RP1: variants seen among roughly 807,000 people sequenced by gnomAD.
RP1 encodes oxygen-regulated protein 1.
Under a neutral mutation model 14.8 loss-of-function variants are expected in RP1, and 16 were observed. The ratio of observed to expected loss-of-function variants is 1.08; its 90% CI spans 0.73 to 1.65. RP1 has a LOEUF of 1.65. Ranked by LOEUF, RP1 falls within the 40% of genes most tolerant of loss-of-function variation. The pLI is 0.00. For missense variants in RP1, 2,631 were observed against 2,535.0 expected (o/e 1.04, Z -0.81); for synonymous variants, 876 against 883.6 (o/e 0.99, Z 0.15).
intron 22 of RP1, among the ~76,000 whole-genome samples, chr8:54,760,295 C>A (rs1012273991): frequency 6.6e-6 from 1 of 152,210 alleles, no homozygotes; most frequent in Non-Finnish European, 1.5e-5. Flanking sequence ...AAGACTAGCT[C>A]ATCGCAGTCG....
chr8:54,588,777 T>G (rs886139556), intron 1 of RP1, among the ~76,000 whole-genome samples: 1 of 152,250 alleles, frequency 6.6e-6, no homozygotes, highest in African/African-American at 2.4e-5. Context: ...TTTTCGGCTT[T>G]TGTTCAGATA....
downstream of RP1, among the ~76,000 whole-genome samples, chr8:54,635,320 T>C (rs1462601125): frequency 6.6e-6 from 1 of 152,176 alleles, no homozygotes. Context: ...TTTTCTTCTG[T>C]AACACTAATG....
chr8:54,624,112 A>G (rs1032740097), intron 3 of RP1, among the ~76,000 whole-genome samples: 1 of 152,182 alleles, frequency 6.6e-6, no homozygotes, highest in Non-Finnish European at 1.5e-5. Flanking sequence ...GAAGAAATGT[A>G]CCACTGTTAT....
intron 3 of RP1, among the ~76,000 whole-genome samples, chr8:54,643,019 A>G (rs1806480381): frequency 6.6e-6 from 1 of 151,124 alleles, no homozygotes; most frequent in Non-Finnish European, 1.5e-5. Flanking sequence ...TAAATTGCCT[A>G]TTCATATTCC....
At chr8:54,775,869 T>A (rs929776386) in intron 23 of RP1, among the ~76,000 whole-genome samples, 1 of 152,198 alleles carries the variant, frequency 6.6e-6, no homozygotes, top group African/African-American at 2.4e-5. Context: ...CACACAGTAA[T>A]GTGGGTCTGA....
At position 54,627,461 on chromosome 8, in the gene RP1, C is replaced by T. The variant is rs777012140; in HGVS notation, c.3579C>T (p.His1193=). 77 of 1,614,040 alleles carry T rather than the reference C, an allele frequency of 4.8e-5. No homozygotes were observed. Among genetic ancestry groups the T allele is most frequent in the Non-Finnish European group, 5.9e-5 (70 of 1,179,980 alleles). ...ATTTAGTGGAGTCAACTACAAGCCA[C>T]TTTGGACTCAGTGAGAAAGAACAAG... is the stretch of plus-strand genomic sequence containing the variant. ...VANLVESTTS[H]FGLSEKEQDM... The change falls in exon 4 of 4, where the codon CAC becomes CAT. Residue 1193 remains histidine (H), a synonymous_variant. Transcript: ENST00000220676.
chr8:54,677,538 G>C (rs1409071759), intron 8 of RP1, among the ~76,000 whole-genome samples: 1 of 152,046 alleles, frequency 6.6e-6, no homozygotes, highest in Non-Finnish European at 1.5e-5. Context: ...ACCGGCCTGG[G>C]CAACATACAA....
chr8:54,814,991 A>C (rs1563384598), intron 24 of RP1, among the ~76,000 whole-genome samples: 1 of 152,250 alleles, frequency 6.6e-6, no homozygotes, highest in Non-Finnish European at 1.5e-5. Context: ...CCTGGGTGAC[A>C]AAGCGAGACT....
At chr8:54,573,760 G>A (rs1804582289) in intron 1 of RP1, among the ~76,000 whole-genome samples, 1 of 152,086 alleles carries the variant, frequency 6.6e-6, no homozygotes, top group African/African-American at 2.4e-5. Context: ...TCACTAGATG[G>A]GTGTTGAATA....
intron 7 of RP1, chr8:54,663,974 A>C: frequency 1.1e-6 from 1 of 948,640 alleles, no homozygotes. Flanking sequence ...AAGTATATTC[A>C]CATTTCTGTG....
At chr8:54,746,476 T>C (rs1809227138) in intron 19 of RP1, among the ~76,000 whole-genome samples, 1 of 152,164 alleles carries the variant, frequency 6.6e-6, no homozygotes, top group Non-Finnish European at 1.5e-5. Flanking sequence ...AACACTGTTG[T>C]AGAATATTAA....
intron 26 of RP1, among the ~76,000 whole-genome samples, chr8:54,854,132 CT>C (rs1300138907): frequency 6.6e-6 from 1 of 151,954 alleles, no homozygotes; most frequent in Admixed American, 6.5e-5. Context: ...ATCTCAGAAA[CT>C]TTTTTAAACA....
At chr8:54,663,752 G>A (rs1176503793) in exon 7 of RP1, 1 of 1,535,024 alleles carries the variant, frequency 6.5e-7, no homozygotes, top group South Asian at 1.2e-5. Flanking sequence ...TGCTGGAACA[G>A]TAGCAAACGT....
intron 16 of RP1, among the ~76,000 whole-genome samples, chr8:54,722,964 G>A (rs778747799): frequency 1.3e-5 from 2 of 152,134 alleles, no homozygotes; most frequent in African/African-American, 2.4e-5. Flanking sequence ...TCATTGACAG[G>A]TTCCACCCAC....
intron 1 of RP1, among the ~76,000 whole-genome samples, chr8:54,593,737 A>G (rs1448936731): frequency 2.6e-5 from 4 of 152,184 alleles, no homozygotes; most frequent in Non-Finnish European, 5.9e-5. Context: ...CTCAGTCTGA[A>G]CTTGTGCTTA....
intron 3 of RP1, among the ~76,000 whole-genome samples, chr8:54,635,859 A>C (rs887253223): frequency 1.3e-5 from 2 of 152,152 alleles, no homozygotes; most frequent in African/African-American, 4.8e-5. Context: ...AACCCCCACA[A>C]GAAAGCCTAA....
At chr8:54,861,747 C>T (rs1000503196) in intron 27 of RP1, among the ~76,000 whole-genome samples, 4 of 152,110 alleles carry the variant, frequency 2.6e-5, no homozygotes, top group Non-Finnish European at 5.9e-5. Context: ...GGACTACAGG[C>T]TCATGCCACC....
intron 23 of RP1, among the ~76,000 whole-genome samples, chr8:54,781,647 A>T (rs1174883768): frequency 4.6e-5 from 7 of 152,196 alleles, no homozygotes. Flanking sequence ...GTTATTTTCT[A>T]CAAGTGTTCT....
chr8:54,807,719 G>A (rs1266260626), intron 24 of RP1, among the ~76,000 whole-genome samples: 1 of 151,498 alleles, frequency 6.6e-6, no homozygotes, highest in Non-Finnish European at 1.5e-5. Context: ...TTTATTTTAA[G>A]GAATTGGCTC....
Sources: gnomAD v4.1 joint callset for allele counts (sites outside exome capture counted in the v4.1 genomes callset) on GRCh38, gnomAD v4.1.1 for gene constraint, MANE v1.5 for transcripts, NCBI Gene and HGNC (gene_info 2026-07-23, HGNC 2026-07-21) for gene names.